The following OPCML variants were observed in gnomAD, a reference collection of about 807,000 sequenced individuals.
OPCML encodes opioid binding protein/cell adhesion molecule like.
Under a neutral mutation model 37.8 loss-of-function variants are expected in OPCML, and 13 were observed. The observed-to-expected ratio is 0.34, with a 90% CI of 0.22 to 0.55. The LOEUF (loss-of-function observed/expected upper bound fraction) is 0.55. OPCML is among the 20% of genes least tolerant of loss of function. The pLI, the probability that OPCML is intolerant of heterozygous loss-of-function variation, is 0.91. For synonymous variants in OPCML, 176 were observed against 168.8 expected (o/e 1.04, Z -0.33); for missense variants, 341 against 435.6 (o/e 0.78, Z 1.93).
chr11:133,019,761 G>A (rs371905404), intron 1 of OPCML, among the ~76,000 whole-genome samples: 12 of 152,052 alleles, frequency 7.9e-5, no homozygotes, highest in East Asian at 3.9e-4. Flanking sequence ...AGAGTGAAGC[G>A]CGCATATGCC....
chr11:132,961,606 C>T (rs2136723858), intron 1 of OPCML, among the ~76,000 whole-genome samples: 1 of 152,330 alleles, frequency 6.6e-6, no homozygotes, highest in East Asian at 1.9e-4. Flanking sequence ...GCCCACAGGG[C>T]CGGGCTAAGC....
intron 1 of OPCML, among the ~76,000 whole-genome samples, chr11:133,531,726 G>C (rs1345470819): frequency 1.3e-5 from 2 of 149,386 alleles, no homozygotes; most frequent in Non-Finnish European, 3.0e-5. Flanking sequence ...GAGGAGGAGA[G>C]TGGGGAGAGG....
chr11:132,479,761 GCAGACTGA>G, intron 4 of OPCML, among the ~76,000 whole-genome samples: 1 of 152,130 alleles, frequency 6.6e-6, no homozygotes, highest in South Asian at 2.1e-4. Context: ...CCCAGCAGGG[GCAGACTGA>G]CACCTCACAG....
At chr11:132,667,864 A>C (rs571474347) in intron 2 of OPCML, among the ~76,000 whole-genome samples, 72 of 152,370 alleles carry the variant, frequency 4.7e-4, no homozygotes, top group African/African-American at 1.4e-3. Context: ...TTGGTGGTCA[A>C]GAATTTGTAG....
At chr11:133,513,495 T>A in intron 1 of OPCML, among the ~76,000 whole-genome samples, 1 of 152,182 alleles carries the variant, frequency 6.6e-6, no homozygotes. Flanking sequence ...AAAACCCAAC[T>A]CAAATGTCAT....
At chr11:133,086,014 T>G (rs146585410) in intron 1 of OPCML, among the ~76,000 whole-genome samples, 1 of 152,170 alleles carries the variant, frequency 6.6e-6, no homozygotes, top group Non-Finnish European at 1.5e-5. Flanking sequence ...TCAGAGAAAA[T>G]AGAGGACAGT....
At chr11:132,805,435 C>A (rs969646442) in intron 2 of OPCML, among the ~76,000 whole-genome samples, 5 of 152,140 alleles carry the variant, frequency 3.3e-5, no homozygotes, top group African/African-American at 9.7e-5. Context: ...CCAGACCAAC[C>A]TATTGATCCC....
At chr11:133,453,063 C>T (rs760818202) in intron 1 of OPCML, among the ~76,000 whole-genome samples, 36 of 152,160 alleles carry the variant, frequency 2.4e-4, no homozygotes, top group African/African-American at 8.4e-4. Context: ...AGAGACACAT[C>T]GAACTGGATG....
intron 1 of OPCML, among the ~76,000 whole-genome samples, chr11:133,124,126 GA>G (rs1477056758): frequency 1.6e-4 from 25 of 151,774 alleles, no homozygotes; most frequent in African/African-American, 5.6e-4. Context: ...TGAGAGGGGG[GA>G]TTAGTCTACT....
At chr11:132,934,397 G>A (rs73586423) in intron 2 of OPCML, among the ~76,000 whole-genome samples, 3 of 152,244 alleles carry the variant, frequency 2.0e-5, no homozygotes, top group Non-Finnish European at 2.9e-5. Context: ...TTCAGAACAC[G>A]CTGGAACCTA....
chr11:132,612,247 G>T (rs1348108374), intron 3 of OPCML, among the ~76,000 whole-genome samples: 1 of 152,122 alleles, frequency 6.6e-6, no homozygotes, highest in Non-Finnish European at 1.5e-5. Context: ...TTTTCCCTTG[G>T]AACGAAACAG....
chr11:132,822,829 GT>G (rs2136253205), intron 2 of OPCML, among the ~76,000 whole-genome samples: 1 of 152,250 alleles, frequency 6.6e-6, no homozygotes, highest in South Asian at 2.1e-4. Context: ...AAGTAGACTG[GT>G]TTCTACCCTT....
intron 1 of OPCML, among the ~76,000 whole-genome samples, chr11:132,955,930 A>T (rs1236766819): frequency 1.3e-5 from 2 of 152,134 alleles, no homozygotes; most frequent in Non-Finnish European, 2.9e-5. Flanking sequence ...TTCCCTCAAC[A>T]TTCATTGCTG....
chr11:133,294,328 C>T (rs1372182915), intron 1 of OPCML, among the ~76,000 whole-genome samples: 2 of 152,102 alleles, frequency 1.3e-5, no homozygotes, highest in African/African-American at 2.4e-5. Context: ...GGGCTGAAGT[C>T]GCAAGGCTAT....
At chr11:133,140,714 C>T (rs1005442644) in intron 1 of OPCML, among the ~76,000 whole-genome samples, 5 of 21,708 alleles carry the variant, frequency 2.3e-4, no homozygotes, top group African/African-American at 3.5e-4. Flanking sequence ...AGACGGAAGA[C>T]GAAGACGGAA....
intron 1 of OPCML, among the ~76,000 whole-genome samples, chr11:132,946,243 A>G (rs1945742833): frequency 6.6e-6 from 1 of 152,212 alleles, no homozygotes; most frequent in Non-Finnish European, 1.5e-5. Context: ...GTCATCTCCT[A>G]TGATGGCAAT....
intron 2 of OPCML, among the ~76,000 whole-genome samples, chr11:132,704,979 A>C (rs1943971487): frequency 6.6e-6 from 1 of 152,250 alleles, no homozygotes; most frequent in Non-Finnish European, 1.5e-5. Flanking sequence ...TATGCAAACA[A>C]GGCTGGCTCA....
intron 1 of OPCML, among the ~76,000 whole-genome samples, chr11:133,166,376 G>A (rs891168351): frequency 2.6e-5 from 4 of 152,182 alleles, no homozygotes; most frequent in Non-Finnish European, 4.4e-5. Flanking sequence ...TCTAAATGAC[G>A]GAACTGTGAC....
intron 1 of OPCML, among the ~76,000 whole-genome samples, chr11:132,954,791 T>C (rs987525801): frequency 6.6e-6 from 1 of 152,074 alleles, no homozygotes; most frequent in East Asian, 1.9e-4. Context: ...AAGTGTGAAT[T>C]CTGAGCAACG....
Sources: allele counts gnomAD v4.1 joint callset (sites outside exome capture counted in the v4.1 genomes callset), GRCh38; gene constraint gnomAD v4.1.1; transcripts MANE v1.5; gene names NCBI Gene and HGNC (gene_info 2026-07-23, HGNC 2026-07-21).